Variants in STIM1 observed in about 807,000 individuals in gnomAD.
The protein encoded by STIM1 is stromal interaction molecule 1.
A neutral mutation model predicts 74.7 loss-of-function variants in STIM1; 25 were observed. The ratio of observed to expected loss-of-function variants is 0.33; its 90% CI spans 0.24 to 0.47. The LOEUF is 0.47. Among genes scored for constraint, STIM1 ranks in the 20% least tolerant of loss-of-function variants. The probability of loss-of-function intolerance (pLI) is 1.00; values close to 1 mark genes in which losing one functional copy is unlikely to be tolerated. For synonymous variants in STIM1, 328 were observed against 348.8 expected (o/e 0.94, Z 0.66); for missense variants, 728 against 920.8 (o/e 0.79, Z 2.71).
At chr11:3,937,742 C>A (rs1006104509) in intron 1 of STIM1, among the ~76,000 whole-genome samples, 1 of 152,016 alleles carries the variant, frequency 6.6e-6, no homozygotes, top group Admixed American at 6.5e-5. Context: ...AGGAGGAAAC[C>A]TCCACAATTT....
chr11:3,976,927 T>G (rs1484628072), intron 2 of STIM1, among the ~76,000 whole-genome samples: 1 of 152,156 alleles, frequency 6.6e-6, no homozygotes, highest in Non-Finnish European at 1.5e-5. Context: ...CCCTAGTAGC[T>G]GGAACTACAG....
chr11:3,937,044 G>A (rs918546589), intron 1 of STIM1, among the ~76,000 whole-genome samples: 22 of 152,086 alleles, frequency 1.4e-4, no homozygotes, highest in African/African-American at 5.1e-4. Context: ...AGTGGACCAC[G>A]TCTGTAATCC....
rs183538423 is a variant in STIM1 at position 3,874,011 on chromosome 11, T to C, written c.139+17602T>C. Among the ~76,000 whole-genome samples, 378 of 152,336 alleles carry C rather than the reference T, an allele frequency of 2.5e-3. 4 individuals carry two copies. Among genetic ancestry groups the C allele is most frequent in the African/African-American group, 8.7e-3 (363 of 41,582 alleles). On this transcript the variant is annotated intron_variant, in intron 1 of 12. Transcript: ENST00000526596. ...GTTGGACTCACTACTTTCCTTGCAC[T>C]AGGTCCTGCTCCGGCCTCCTAGAGT... is the stretch of plus-strand genomic sequence containing the variant.
At chr11:4,076,144 A>G (rs1490696821) in intron 7 of STIM1, among the ~76,000 whole-genome samples, 2 of 151,980 alleles carry the variant, frequency 1.3e-5, no homozygotes, top group Non-Finnish European at 2.9e-5. Flanking sequence ...TCTTTTGATA[A>G]ACAGAAGCCC....
rs1390434939 is a variant in STIM1, at chr11:4,049,742, A to ACG, written c.386-5783_386-5782insGC. The ACG allele has an allele frequency of 2.7e-5, 4 of 145,600 alleles. 1 individual carries two copies. The allele number at this position is 145,600 out of a possible 1,614,324, so 9.0% of individuals were successfully genotyped here. On this transcript the variant is annotated intron_variant, in intron 3 of 12. Transcript: ENST00000526596. ...CACACACACACACACACACACACAC[A>ACG]CACACACACACACACACACACATGC...
At chr11:3,982,972 C>T (rs1450041147) in intron 2 of STIM1, among the ~76,000 whole-genome samples, 4 of 152,106 alleles carry the variant, frequency 2.6e-5, no homozygotes, top group African/African-American at 4.8e-5. Context: ...TGCTCTGTCA[C>T]CCAGGCTGGA....
chr11:4,051,907 G>C (rs1230617069), intron 3 of STIM1, among the ~76,000 whole-genome samples: 3 of 152,198 alleles, frequency 2.0e-5, no homozygotes, highest in Non-Finnish European at 2.9e-5. Context: ...CTTCAGCAAA[G>C]TCTCAGGATA....
chr11:4,009,292 CAA>C (rs778055041), intron 2 of STIM1, among the ~76,000 whole-genome samples: 7 of 97,258 alleles, frequency 7.2e-5, no homozygotes, highest in Non-Finnish European at 8.4e-5. Context: ...AAGAGTGTCT[CAA>C]AAAAAAAAAA....
chr11:4,058,355 C>T (rs1000194193), intron 4 of STIM1, among the ~76,000 whole-genome samples: 1 of 152,206 alleles, frequency 6.6e-6, no homozygotes, highest in Non-Finnish European at 1.5e-5. Context: ...TGATTGCTTT[C>T]CAAGGCCAGA....
intron 1 of STIM1, among the ~76,000 whole-genome samples, chr11:3,929,044 T>G (rs2092825818): frequency 6.6e-6 from 1 of 151,996 alleles, no homozygotes; most frequent in Admixed American, 6.6e-5. Flanking sequence ...CAGGACAGGG[T>G]TTCACCATGT....
At chr11:3,905,785 T>C (rs1164021458) in intron 1 of STIM1, among the ~76,000 whole-genome samples, 1 of 152,234 alleles carries the variant, frequency 6.6e-6, no homozygotes, top group Non-Finnish European at 1.5e-5. Flanking sequence ...TGATGTATTC[T>C]TTCTGCTTCC....
In STIM1 at chr11:4,091,470, C is replaced by A; in HGVS notation, c.1823C>A (p.Ala608Asp). The A allele has an allele frequency of 6.2e-7, 1 of 1,614,188 alleles. No individual in the cohort carries two copies. The highest frequency in any genetic ancestry group is 8.5e-7 in the Non-Finnish European group (1 of 1,180,022). Residue 608 changes from alanine (A) to aspartate (D), a missense_variant, in exon 13 of 13, where the codon GCC becomes GAC. Ala to Asp is a moderately radical substitution (Grantham distance 126, BLOSUM62 -2). This residue lies in a region of STIM1 where 352 missense variants were observed against 370.1 expected (regional missense o/e 0.95). Coordinates refer to ENST00000526596, the MANE Select transcript of STIM1 (RefSeq NM_001382567.1). Reference sequence around the variant, plus strand: ...GTGGAGAAACTGCCTGACAGCCCTGCCCTGGCCAAGAAGGCATTACTGGCG... The same window carrying A: ...GTGGAGAAACTGCCTGACAGCCCTGACCTGGCCAAGAAGGCATTACTGGCG... ...SLVEKLPDSP[A>D]LAKKALLALN...
At chr11:3,973,027 T>C in intron 2 of STIM1, 2 of 478,570 alleles carry the variant, frequency 4.2e-6, no homozygotes, top group East Asian at 5.6e-5. Flanking sequence ...TCCATCGTTG[T>C]TATAGCTGTG....
intron 8 of STIM1, 74 bp downstream of exon 8, chr11:4,082,425 C>G: frequency 1.4e-6 from 2 of 1,413,226 alleles, no homozygotes. Context: ...TCTTCCTCTT[C>G]TCTCCCTCTC....
chr11:3,857,526 T>C (rs1196998670), intron 1 of STIM1, among the ~76,000 whole-genome samples: 1 of 151,890 alleles, frequency 6.6e-6, no homozygotes, highest in East Asian at 1.9e-4. Flanking sequence ...ACTGTACCCA[T>C]CAAGGAACTC....
intron 1 of STIM1, among the ~76,000 whole-genome samples, chr11:3,946,958 C>T (rs1324869230): frequency 6.6e-6 from 1 of 152,102 alleles, no homozygotes; most frequent in Admixed American, 6.6e-5. Context: ...TTGTAAGAGT[C>T]CTTAAGTTCT....
intron 3 of STIM1, among the ~76,000 whole-genome samples, chr11:4,037,901 C>T (rs1432012610): frequency 6.6e-6 from 1 of 151,900 alleles, no homozygotes; most frequent in Non-Finnish European, 1.5e-5. Context: ...CTTTTCCTAC[C>T]TTTTCTGCTT....
intron 1 of STIM1, among the ~76,000 whole-genome samples, chr11:3,879,921 T>G (rs555057653): frequency 2.0e-5 from 3 of 152,314 alleles, no homozygotes; most frequent in African/African-American, 7.2e-5. Context: ...GGGTTGCTAT[T>G]GCCGAGAGAA....
intron 1 of STIM1, chr11:3,867,917 G>A (rs1413014554): frequency 1.3e-5 from 2 of 152,282 alleles, no homozygotes; most frequent in African/African-American, 4.8e-5. Flanking sequence ...TTCTCAGTGT[G>A]ATTCAGTAGC....
Sources: allele counts gnomAD v4.1 joint callset (sites outside exome capture counted in the v4.1 genomes callset), GRCh38; gene constraint gnomAD v4.1.1; regional missense constraint gnomAD v4.1.1; transcripts MANE v1.5; gene names NCBI Gene and HGNC (gene_info 2026-07-23, HGNC 2026-07-21).